Variants in SLC4A4 observed in about 807,000 individuals in gnomAD.
SLC4A4 encodes solute carrier family 4 member 4.
A neutral mutation model predicts 111.5 loss-of-function variants in SLC4A4; 27 were observed. That is an observed-to-expected ratio of 0.24 (90% CI 0.18 to 0.33). SLC4A4 has a LOEUF of 0.33. Among genes scored for constraint, SLC4A4 ranks in the 10% least tolerant of loss-of-function variants. The pLI is 1.00. For synonymous variants in SLC4A4, 443 were observed against 463.4 expected (o/e 0.96, Z 0.57); for missense variants, 909 against 1,315.5 (o/e 0.69, Z 4.78).
intron 13 of SLC4A4, among the ~76,000 whole-genome samples, chr4:71,467,466 A>G (rs923456108): frequency 1.3e-5 from 2 of 152,098 alleles, no homozygotes; most frequent in African/African-American, 4.8e-5. Flanking sequence ...TAATTCTTAC[A>G]GCAATCCTGT....
intron 11 of SLC4A4, among the ~76,000 whole-genome samples, chr4:71,453,213 C>A (rs1434999908): frequency 6.6e-6 from 1 of 152,082 alleles, no homozygotes; most frequent in South Asian, 2.1e-4. Flanking sequence ...TTTCTCTAGG[C>A]AATGAAACAT....
intron 2 of SLC4A4, among the ~76,000 whole-genome samples, chr4:71,177,515 C>A (rs376183120): frequency 6.6e-6 from 1 of 152,178 alleles, no homozygotes; most frequent in African/African-American, 2.4e-5. Context: ...CAAAAAAAGG[C>A]AGGGGTTGCA....
At chr4:71,288,928 A>C (rs929381385) in intron 3 of SLC4A4, among the ~76,000 whole-genome samples, 11 of 152,112 alleles carry the variant, frequency 7.2e-5, no homozygotes, top group Admixed American at 7.2e-4. Context: ...AATATGCATA[A>C]CCTTTGTATC....
rs187958889 is a variant in SLC4A4, at chr4:71,211,978, A to T, written c.-2+24577A>T. ...GTAAGATTTACAACCAAATTCACGG[A>T]TGTGATGATTGCAGTGCTCCCTCAC... On this transcript the variant is annotated intron_variant, in intron 1 of 25. Transcript: ENST00000264485. 3.3e-5 allele frequency among the ~76,000 whole-genome samples: 5 copies of T among 152,270 alleles called. No homozygotes were observed. In the East Asian group the frequency reaches 9.7e-4, roughly 29 times the overall value.
At chr4:71,232,852 A>G (rs1719531733) in intron 1 of SLC4A4, among the ~76,000 whole-genome samples, 1 of 152,260 alleles carries the variant, frequency 6.6e-6, no homozygotes, top group African/African-American at 2.4e-5. Flanking sequence ...TGCAGAAATG[A>G]TGTTCCACAT....
chr4:71,332,714 G>C (rs1475290087), intron 3 of SLC4A4, among the ~76,000 whole-genome samples: 1 of 152,116 alleles, frequency 6.6e-6, no homozygotes, highest in African/African-American at 2.4e-5. Context: ...TTACAGGCGT[G>C]AGCCACCGCG....
intron 18 of SLC4A4, among the ~76,000 whole-genome samples, chr4:71,536,073 A>C (rs544423302): frequency 1.1e-4 from 16 of 152,088 alleles, no homozygotes; most frequent in Non-Finnish European, 2.4e-4. Context: ...TTTAATTCTA[A>C]GATCATTGAG....
chr4:71,397,180 A>C (rs1410874752), intron 6 of SLC4A4, among the ~76,000 whole-genome samples: 1 of 152,170 alleles, frequency 6.6e-6, no homozygotes. Context: ...TCTGCTGAAG[A>C]TGAGGAAACA....
chr4:71,536,927 T>C (rs900115641), intron 18 of SLC4A4, among the ~76,000 whole-genome samples: 3 of 151,868 alleles, frequency 2.0e-5, no homozygotes, highest in South Asian at 2.1e-4. Flanking sequence ...ACATATAATA[T>C]ATACACACAT....
At chr4:71,283,363 A>T (rs1385000098) in intron 3 of SLC4A4, among the ~76,000 whole-genome samples, 2 of 152,196 alleles carry the variant, frequency 1.3e-5, no homozygotes, top group Non-Finnish European at 2.9e-5. Context: ...AGATGTGGGC[A>T]TTCCTGACAT....
intron 16 of SLC4A4, among the ~76,000 whole-genome samples, chr4:71,522,888 G>A (rs1306446332): frequency 2.0e-5 from 3 of 152,154 alleles, no homozygotes; most frequent in East Asian, 1.9e-4. Flanking sequence ...AACATAATGA[G>A]CATTTTAGTT....
At chr4:71,073,390 A>G (rs749523925) in intron 1 of SLC4A4, among the ~76,000 whole-genome samples, 5 of 152,220 alleles carry the variant, frequency 3.3e-5, no homozygotes, top group Non-Finnish European at 5.9e-5. Context: ...GCTATAAAAT[A>G]TGCTTCCTTA....
chr4:71,491,393 A>G lies in SLC4A4; in HGVS notation c.1974+4375A>G, dbSNP rs1446250864. ...ACACCACTTCATTGTAACGTTGATG[A>G]AAAAAAGAGAAATTGACTCTCAGGC... On this transcript the variant is annotated intron_variant, in intron 15 of 25. Coordinates refer to ENST00000264485, the MANE Select transcript of SLC4A4 (RefSeq NM_001098484.3). Among the ~76,000 whole-genome samples the G allele has an allele frequency of 2.6e-5, 4 of 151,904 alleles. No individual in the cohort carries two copies. The South Asian group carries it at 8.3e-4, about 31-fold the overall frequency.
chr4:71,093,241 C>T (rs1742437534), intron 2 of SLC4A4, among the ~76,000 whole-genome samples: 1 of 151,742 alleles, frequency 6.6e-6, no homozygotes. Context: ...CATCTTGGCT[C>T]ACTGCAATCT....
At position 71,422,418 on chromosome 4, in the gene SLC4A4, G is replaced by A. The variant is rs377440398; in HGVS notation, c.808-18198G>A. 4.8e-3 allele frequency among the ~76,000 whole-genome samples: 707 copies of A among 148,122 alleles called. 5 individuals are homozygous for A. Among genetic ancestry groups the A allele is most frequent in the African/African-American group, 0.016 (644 of 39,526 alleles). ...AATTCTACCAGAGGTACAAGGAGGA[G>A]CTGGTACCATTCCTTCTGAAACTAT... is the stretch of plus-strand genomic sequence containing the variant. On this transcript the variant is annotated intron_variant, in intron 7 of 25. Transcript: ENST00000264485.
chr4:71,475,357 A>G (rs1728270725), intron 14 of SLC4A4, among the ~76,000 whole-genome samples: 1 of 151,902 alleles, frequency 6.6e-6, no homozygotes, highest in Non-Finnish European at 1.5e-5. Flanking sequence ...AAATGTGTTC[A>G]AATTATAAAA....
At chr4:71,107,010 A>G (rs1578486048) in intron 2 of SLC4A4, among the ~76,000 whole-genome samples, 3 of 151,834 alleles carry the variant, frequency 2.0e-5, no homozygotes, top group African/African-American at 4.8e-5. Context: ...AATAAAGTCT[A>G]TCTGTCTGTA....
chr4:71,421,594 C>G (rs1004015487), intron 7 of SLC4A4, among the ~76,000 whole-genome samples: 2 of 152,162 alleles, frequency 1.3e-5, no homozygotes, highest in African/African-American at 2.4e-5. Context: ...AAGTAAAGCT[C>G]TCCTCAGCAA....
chr4:71,216,866 C>A (rs557802790), intron 1 of SLC4A4, among the ~76,000 whole-genome samples: 1 of 152,294 alleles, frequency 6.6e-6, no homozygotes, highest in South Asian at 2.1e-4. Context: ...AGCTACGTGC[C>A]TTGTCTACCT....
Sources: allele counts gnomAD v4.1 joint callset (sites outside exome capture counted in the v4.1 genomes callset), GRCh38; gene constraint gnomAD v4.1.1; transcripts MANE v1.5; gene names NCBI Gene and HGNC (gene_info 2026-07-23, HGNC 2026-07-21).